Variants in PHACTR2 observed in about 807,000 individuals in gnomAD.
The protein encoded by PHACTR2 is chromosome 6 open reading frame 56.
PHACTR2 carries 30 observed loss-of-function variants against 76.0 expected under a neutral mutation model. The observed-to-expected ratio is 0.39, with a 90% CI of 0.30 to 0.54. The LOEUF (loss-of-function observed/expected upper bound fraction) is 0.54. Among genes scored for constraint, PHACTR2 ranks in the 20% least tolerant of loss-of-function variants. The pLI, the probability that PHACTR2 is intolerant of heterozygous loss-of-function variation, is 0.61. For missense variants in PHACTR2, 696 were observed against 781.1 expected, an observed-to-expected ratio of 0.89 and a Z score of 1.30; for synonymous variants, 292 against 292.5, an observed-to-expected ratio of 1.00 and a Z score of 0.02.
rs1369974266 is a variant in PHACTR2, at chr6:143,750,075, G to T, written c.295+1010G>T. On this transcript the variant is annotated intron_variant, in intron 3 of 12. Coordinates refer to ENST00000440869, the MANE Select transcript of PHACTR2 (RefSeq NM_001100164.2). This position sits in a 1 kb window ranked among gnomAD's most constrained non-coding sequence, Gnocchi z 4.6. ...CACTATTTGTAAATCAAAATGACAT[G>T]CTTTTTTCCAGCATCTGAATAATTC... 1.3e-5 allele frequency among the ~76,000 whole-genome samples: 2 copies of T among 152,134 alleles called. No homozygotes were observed. Among genetic ancestry groups the T allele is most frequent in the African/African-American group, 2.4e-5 (1 of 41,442 alleles).
At chr6:143,690,822 A>G (rs144428150) in intron 1 of PHACTR2, among the ~76,000 whole-genome samples, 1 of 152,344 alleles carries the variant, frequency 6.6e-6, no homozygotes, top group East Asian at 1.9e-4. Context: ...GTTTACTGTG[A>G]TAATAATGTG....
At chr6:143,813,909 T>G (rs1353252723) in intron 12 of PHACTR2, among the ~76,000 whole-genome samples, 1 of 152,196 alleles carries the variant, frequency 6.6e-6, no homozygotes, top group African/African-American at 2.4e-5. Context: ...CGTATAACTT[T>G]TGATTCTCCC....
At chr6:143,702,838 C>T (rs1389140124) in intron 1 of PHACTR2, among the ~76,000 whole-genome samples, 16 of 119,872 alleles carry the variant, frequency 1.3e-4, no homozygotes, top group African/African-American at 3.6e-4. Context: ...AATCTTGCTT[C>T]GGTGAAATTC....
At chr6:143,703,995 GATA>G in intron 1 of PHACTR2, among the ~76,000 whole-genome samples, 1 of 151,928 alleles carries the variant, frequency 6.6e-6, no homozygotes, top group South Asian at 2.1e-4. Flanking sequence ...ACACAGTACT[GATA>G]ATGAGAAAAT....
intron 2 of PHACTR2, among the ~76,000 whole-genome samples, chr6:143,728,200 C>CTTTTTTTTTTTCTTTCT (rs1778618946): frequency 7.6e-6 from 1 of 131,382 alleles, no homozygotes; most frequent in Non-Finnish European, 1.6e-5. Flanking sequence ...TCTTTCTTTC[C>CTTTTTTTTTTTCTTTCT]TTTTTTTTTT....
At chr6:143,712,291 A>G (rs1778195445) in intron 2 of PHACTR2, 108 bp downstream of exon 2, 1 of 632,274 alleles carries the variant, frequency 1.6e-6, no homozygotes, top group African/African-American at 1.9e-5. Flanking sequence ...ATTAATCCGT[A>G]TTTGAAATGA....
chr6:143,597,914 C>T lies in PHACTR2; in HGVS notation c.217+60707C>T, dbSNP rs1364832673. On this transcript the variant is annotated intron_variant, in intron 1 of 11. Transcript: ENST00000367584. The surrounding 1 kb of genome is among the most constrained non-coding windows in gnomAD (Gnocchi z 5.7). ...TCCTGATGCTCCTCCTACCACCTGCCATATTTTCTACCTGTTACTCAGCAC... is the reference window on the plus strand; with the variant it reads ...TCCTGATGCTCCTCCTACCACCTGCTATATTTTCTACCTGTTACTCAGCAC... Among the ~76,000 whole-genome samples, 1 of 152,110 alleles carries T rather than the reference C, an allele frequency of 6.6e-6. No homozygotes were observed. Among genetic ancestry groups the T allele is most frequent in the African/African-American group, 2.4e-5 (1 of 41,420 alleles).
rs2474153 is a variant in PHACTR2 at position 143,751,533 on chromosome 6, G to A, written c.296-2221G>A. 6.6e-6 allele frequency among the ~76,000 whole-genome samples: 1 copy of A among 151,778 alleles called. No homozygotes were observed. The highest frequency in any genetic ancestry group is 1.5e-5 in the Non-Finnish European group (1 of 67,984). ...CATACATGATTTTCTCTTTCTATCT[G>A]TCCCTCCTTTAACTATGATATATCC... On this transcript the variant is annotated intron_variant, in intron 3 of 12. Coordinates refer to ENST00000440869, the MANE Select transcript of PHACTR2 (RefSeq NM_001100164.2). This position sits in a 1 kb window ranked among gnomAD's most constrained non-coding sequence, Gnocchi z 5.7.
chr6:143,805,899 C>T (rs1195442988), intron 11 of PHACTR2, among the ~76,000 whole-genome samples: 4 of 152,180 alleles, frequency 2.6e-5, no homozygotes, highest in Non-Finnish European at 5.9e-5. Context: ...GAGCTAGAGA[C>T]AGGCCTCAGG....
chr6:143,807,767 C>T lies in PHACTR2; in HGVS notation c.1922+634C>T, dbSNP rs1776096315. 1.3e-5 allele frequency among the ~76,000 whole-genome samples: 2 copies of T among 152,180 alleles called. No homozygotes were observed. The highest frequency in any genetic ancestry group is 1.3e-4 in the Admixed American group (2 of 15,272). On this transcript the variant is annotated intron_variant, in intron 12 of 12. Transcript: ENST00000440869. The surrounding 1 kb of genome is among the most constrained non-coding windows in gnomAD (Gnocchi z 5.5). ...AGATCGCTATCATCTTACCATTTTT[C>T]CCTCAGTCCCTTTCGGTTTCTTTCA...
rs902180932 is a variant in PHACTR2 at position 143,639,432 on chromosome 6, G to A, written c.13+31110G>A. Among the ~76,000 whole-genome samples, 2 of 152,170 alleles carry A rather than the reference G, an allele frequency of 1.3e-5. No homozygotes were observed. The highest frequency in any genetic ancestry group is 2.9e-5 in the Non-Finnish European group (2 of 68,032). On this transcript the variant is annotated intron_variant, in intron 1 of 11. Transcript: ENST00000305766. The surrounding 1 kb of genome is among the most constrained non-coding windows in gnomAD (Gnocchi z 5.0). ...AAGCATATTCAGAGCCATTTTATAA[G>A]TGACACAAGCAAAATAATTCTTATT... is the stretch of plus-strand genomic sequence containing the variant.
intron 1 of PHACTR2, among the ~76,000 whole-genome samples, chr6:143,573,597 T>C (rs113919425): frequency 0.02 from 3,013 of 152,152 alleles, 107 homozygotes; most frequent in Admixed American, 0.097. Context: ...TTTCTAAGTA[T>C]TTTTGATTTT....
chr6:143,647,231 A>G lies in PHACTR2; in HGVS notation c.13+38909A>G, dbSNP rs920877120. ...TTTTGCATCCCTTTCTGTGATGTAG[A>G]TAATATTAGTCCTATTTTGCAGATG... On this transcript the variant is annotated intron_variant, in intron 1 of 11. Transcript: ENST00000305766. This position sits in a 1 kb window ranked among gnomAD's most constrained non-coding sequence, Gnocchi z 4.2. 6.6e-6 allele frequency among the ~76,000 whole-genome samples: 1 copy of G among 152,246 alleles called. No homozygotes were observed. Among genetic ancestry groups the G allele is most frequent in the East Asian group, 1.9e-4 (1 of 5,204 alleles).
chr6:143,756,093 A>G (rs909182742), intron 4 of PHACTR2, among the ~76,000 whole-genome samples: 1 of 152,118 alleles, frequency 6.6e-6, no homozygotes, highest in African/African-American at 2.4e-5. Context: ...GCCAAACCAT[A>G]TCATCTGCCT....
At position 143,633,488 on chromosome 6, in the gene PHACTR2, T is replaced by G. The variant is rs1776399506; in HGVS notation, c.13+25166T>G. 6.6e-6 allele frequency among the ~76,000 whole-genome samples: 1 copy of G among 152,216 alleles called. No individual in the cohort carries two copies. Among genetic ancestry groups the G allele is most frequent in the South Asian group, 2.1e-4 (1 of 4,836 alleles). On this transcript the variant is annotated intron_variant, in intron 1 of 11. Transcript: ENST00000305766. The surrounding 1 kb of genome is among the most constrained non-coding windows in gnomAD (Gnocchi z 4.1). ...TCAGGTCTTTTGTCCATTTTTAAAT[T>G]GGATTCTTCATTCCCTTATTGTTGT...
In PHACTR2 at chr6:143,651,461, C is replaced by T. The variant is rs560201742; in HGVS notation, c.13+43139C>T. ...AACCTAAATGCCCATCAATGATAGA[C>T]TGGATAAAGAAAATGTGGTATATAT... is the stretch of plus-strand genomic sequence containing the variant. On this transcript the variant is annotated intron_variant, in intron 1 of 11. Coordinates refer to the PHACTR2 transcript ENST00000305766. Among the ~76,000 whole-genome samples the T allele has an allele frequency of 7.3e-4, 111 of 152,158 alleles. 2 individuals are homozygous for T. In the Middle Eastern group the frequency reaches 0.01, roughly 14 times the overall value.
Position 143,787,505 on chromosome 6 carries a change from C to T in PHACTR2, c.1708-1268C>T, listed in dbSNP as rs1775582167. 6.6e-6 allele frequency among the ~76,000 whole-genome samples: 1 copy of T among 152,208 alleles called. No individual in the cohort carries two copies. The highest frequency in any genetic ancestry group is 2.1e-4 in the South Asian group (1 of 4,832). On this transcript the variant is annotated intron_variant, in intron 10 of 12. Coordinates refer to ENST00000440869, the MANE Select transcript of PHACTR2 (RefSeq NM_001100164.2). This position sits in a 1 kb window ranked among gnomAD's most constrained non-coding sequence, Gnocchi z 4.6. ...GTGGGCTCAGGGTATGGGCCTAGGC[C>T]TTCTAAAAGTCCTTGAGTGCTTTGA... is the stretch of plus-strand genomic sequence containing the variant.
rs1428781360 is a variant in PHACTR2, at chr6:143,583,554, G to A, written c.217+46347G>A. ...TGTTGAATGGTGCAGCAACAGAGCT[G>A]TACAACACCTTTGTCTTGCCTGGAA... On this transcript the variant is annotated intron_variant, in intron 1 of 11. Coordinates refer to the PHACTR2 transcript ENST00000367584. This position sits in a 1 kb window ranked among gnomAD's most constrained non-coding sequence, Gnocchi z 4.0. 2.0e-5 allele frequency among the ~76,000 whole-genome samples: 3 copies of A among 152,256 alleles called. No individual in the cohort carries two copies. Among genetic ancestry groups the A allele is most frequent in the Admixed American group, 1.3e-4 (2 of 15,290 alleles).
Position 143,753,960 on chromosome 6 carries a change from T to C in PHACTR2, c.454+48T>C. On this transcript the variant is annotated intron_variant, in intron 4 of 12. Coordinates refer to ENST00000440869, the MANE Select transcript of PHACTR2 (RefSeq NM_001100164.2). The surrounding 1 kb of genome is among the most constrained non-coding windows in gnomAD (Gnocchi z 4.6). ...TTATTTACTTTAGTATATAGCTCAATGTCTAGAACCAGCACTTAGGCTCCA... is the reference window on the plus strand; with the variant it reads ...TTATTTACTTTAGTATATAGCTCAACGTCTAGAACCAGCACTTAGGCTCCA... 7.4e-7 allele frequency: 1 copy of C among 1,350,722 alleles called. No homozygotes were observed. The highest frequency in any genetic ancestry group is 1.0e-6 in the Non-Finnish European group (1 of 999,114). The allele number at this position is 1,350,722 out of a possible 1,614,324, so 83.7% of individuals were successfully genotyped here. A position where few individuals can be genotyped will look rare whatever the true frequency, so the allele number is the denominator to read the frequency against.
Sources: allele counts gnomAD v4.1 joint callset (sites outside exome capture counted in the v4.1 genomes callset), GRCh38; gene constraint gnomAD v4.1.1; non-coding constraint Gnocchi (gnomAD v3.1); transcripts MANE v1.5; gene names NCBI Gene and HGNC (gene_info 2026-07-23, HGNC 2026-07-21).